Variants in GALNT6 observed in about 807,000 individuals in gnomAD.
GALNT6 encodes the protein GalNAc transferase 6.
A neutral mutation model predicts 65.9 loss-of-function variants in GALNT6; 51 were observed. The observed-to-expected ratio is 0.77, with a 90% confidence interval of 0.62 to 0.98. GALNT6 has a LOEUF of 0.98. Among genes scored for constraint, GALNT6 ranks in the 50% least tolerant of loss-of-function variants. The probability of loss-of-function intolerance (pLI) is 0.00; values close to 1 mark genes in which losing one functional copy is unlikely to be tolerated. For missense variants in GALNT6, 708 were observed against 803.3 expected (o/e 0.88, Z 1.43); for synonymous variants, 323 against 315.1 (o/e 1.02, Z -0.26).
At chr12:51,370,868 A>G (rs1308888008) in intron 4 of GALNT6, among the ~76,000 whole-genome samples, 1 of 151,166 alleles carries the variant, frequency 6.6e-6, no homozygotes, top group Non-Finnish European at 1.5e-5. Context: ...AAAAAAGGGA[A>G]AAAAAAAAGT....
chr12:51,389,399 T>C (rs939648437), intron 2 of GALNT6, among the ~76,000 whole-genome samples: 1 of 152,220 alleles, frequency 6.6e-6, no homozygotes, highest in African/African-American at 2.4e-5. Flanking sequence ...GGAGGTCAAG[T>C]AACTTGACCA....
chr12:51,376,585 A>G (rs1315929184), intron 4 of GALNT6, among the ~76,000 whole-genome samples: 1 of 149,424 alleles, frequency 6.7e-6, no homozygotes, highest in Admixed American at 6.7e-5. Flanking sequence ...GTGAGCTGAG[A>G]TCACACCATT....
intron 2 of GALNT6, among the ~76,000 whole-genome samples, chr12:51,381,269 C>T (rs910955684): frequency 6.6e-6 from 1 of 152,164 alleles, no homozygotes; most frequent in African/African-American, 2.4e-5. Flanking sequence ...TATCTGTAAT[C>T]TACTCCTATT....
intron 3 of GALNT6, 58 bp downstream of exon 3, chr12:51,379,233 C>G (rs991555407): frequency 1.3e-5 from 20 of 1,495,826 alleles, no homozygotes; most frequent in Non-Finnish European, 1.8e-5. Context: ...CCTGGCCATA[C>G]TAGCCATGCC....
chr12:51,375,591 T>A (rs1208920964), intron 4 of GALNT6, among the ~76,000 whole-genome samples: 1 of 150,276 alleles, frequency 6.7e-6, no homozygotes, highest in African/African-American at 2.5e-5. Flanking sequence ...GGAGTCTCAC[T>A]CTGTAGCCCA....
intron 2 of GALNT6, among the ~76,000 whole-genome samples, chr12:51,381,441 C>T (rs3825219): frequency 0.17 from 25,899 of 152,126 alleles, 2,254 homozygotes; most frequent in Non-Finnish European, 0.18. Flanking sequence ...GACACATAAG[C>T]TCACTGGTTA....
At chr12:51,354,771 A>G (rs2137519036) in intron 11 of GALNT6, among the ~76,000 whole-genome samples, 2 of 152,152 alleles carry the variant, frequency 1.3e-5, no homozygotes, top group South Asian at 4.1e-4. Context: ...GGCCTCCCGC[A>G]CCCCCAGATG....
chr12:51,382,362 GC>G (rs1385507856), intron 2 of GALNT6: 2 of 152,372 alleles, frequency 1.3e-5, no homozygotes, highest in African/African-American at 2.4e-5. Context: ...GAAGGAGCCG[GC>G]ATGCAGGAAA....
At chr12:51,358,642 T>C (rs1250969692) in intron 8 of GALNT6, among the ~76,000 whole-genome samples, 1 of 152,144 alleles carries the variant, frequency 6.6e-6, no homozygotes, top group Non-Finnish European at 1.5e-5. Context: ...GCTGAAGTAG[T>C]GCAGATAGCA....
rs1159498663 is a variant in GALNT6, at chr12:51,357,338, G to A, written c.1602+11C>T. 2.6e-6 allele frequency: 4 copies of A among 1,553,220 alleles called. No homozygotes were observed. Among genetic ancestry groups the A allele is most frequent in the East Asian group, 4.5e-5 (2 of 44,592 alleles). ...GAGAGGAGATGCTCCGGAGATGGGTGGGCTGCATACCTGGTTGCCGCCAAG... is the reference window on the plus strand; with the variant it reads ...GAGAGGAGATGCTCCGGAGATGGGTAGGCTGCATACCTGGTTGCCGCCAAG... On this transcript the variant is annotated intron_variant, in intron 10 of 11. Coordinates refer to ENST00000356317, the MANE Select transcript of GALNT6 (RefSeq NM_007210.4).
At chr12:51,379,036 A>G (rs895890104) in intron 3 of GALNT6, among the ~76,000 whole-genome samples, 3 of 151,926 alleles carry the variant, frequency 2.0e-5, no homozygotes, top group Non-Finnish European at 4.4e-5. Flanking sequence ...CTTCCACATC[A>G]TCTCACTTTC....
Position 51,377,240 on chromosome 12 carries a change from T to C in GALNT6, c.619A>G (p.Ile207Val). 1.2e-6 allele frequency: 2 copies of C among 1,613,908 alleles called. No homozygotes were observed. Among genetic ancestry groups the C allele is most frequent in the East Asian group, 2.2e-5 (1 of 44,874 alleles). ...VYSVLHTTPA[I>V]LLKEIILVDD... ...ACCAGTATGATCTCCTTGAGCAAGA[T>C]GGCAGGGGTGGTGTGTAGGACGCTG... The change falls in exon 4 of 12, where the codon ATC becomes GTC. Residue 207 changes from isoleucine (I) to valine (V), a missense_variant. Coordinates refer to ENST00000356317, the MANE Select transcript of GALNT6 (RefSeq NM_007210.4).
chr12:51,354,149 A>C lies in GALNT6; in HGVS notation c.*230T>G, dbSNP rs1946680007. The C allele has an allele frequency of 2.3e-6, 1 of 429,794 alleles. No individual in the cohort carries two copies. Among genetic ancestry groups the C allele is most frequent in the African/African-American group, 2.1e-5 (1 of 48,022 alleles). 26.6% of individuals were successfully genotyped at this position (429,794 alleles called of 1,614,324 possible). Reference sequence around the variant, plus strand: ...CTTTGGGAGCCTCTATTTCTAGAACAGGAAAACGCTAGGCTAAATATATGT... The same window carrying C: ...CTTTGGGAGCCTCTATTTCTAGAACCGGAAAACGCTAGGCTAAATATATGT... On this transcript the variant is annotated 3_prime_UTR_variant, in exon 12 of 12. Coordinates refer to ENST00000356317, the MANE Select transcript of GALNT6 (RefSeq NM_007210.4).
chr12:51,389,742 G>A (rs1314821029), intron 2 of GALNT6, among the ~76,000 whole-genome samples: 8 of 152,170 alleles, frequency 5.3e-5, no homozygotes, highest in Admixed American at 5.2e-4. Context: ...TGGTTGCATG[G>A]ACTAAGTTCA....
chr12:51,373,756 T>C (rs1395217736), intron 4 of GALNT6, among the ~76,000 whole-genome samples: 1 of 152,210 alleles, frequency 6.6e-6, no homozygotes, highest in Non-Finnish European at 1.5e-5. Flanking sequence ...GCTCCTCCCA[T>C]CTCTGCCAAA....
chr12:51,362,905 C>G (rs1018413385), intron 6 of GALNT6, among the ~76,000 whole-genome samples: 1 of 151,516 alleles, frequency 6.6e-6, no homozygotes, highest in East Asian at 1.9e-4. Flanking sequence ...GCTATGCTGC[C>G]CAGGCTGTTG....
At chr12:51,355,622 A>T (rs1486659055) in intron 11 of GALNT6, among the ~76,000 whole-genome samples, 184 bp downstream of exon 11, 3 of 152,098 alleles carry the variant, frequency 2.0e-5, no homozygotes, top group Non-Finnish European at 4.4e-5. Context: ...GGCGCCGACC[A>T]CTATGCCCAG....
rs901046211 is a variant in GALNT6, at chr12:51,353,083, G to A, written c.*1296C>T. On this transcript the variant is annotated 3_prime_UTR_variant, in exon 12 of 12. Transcript: ENST00000356317. Reference sequence around the variant, plus strand: ...TGGTCTAGCGTTCTTGTGGTGCAGCGGAAGGAGCCCTGGCTCAGCATTGAA... The same window carrying A: ...TGGTCTAGCGTTCTTGTGGTGCAGCAGAAGGAGCCCTGGCTCAGCATTGAA... The A allele has an allele frequency of 2.0e-5, 3 of 152,382 alleles. No homozygotes were observed. Among genetic ancestry groups the A allele is most frequent in the East Asian group, 1.9e-4 (1 of 5,178 alleles). The allele number at this position is 152,382 out of a possible 1,614,324, so 9.4% of individuals were successfully genotyped here.
chr12:51,390,630 C>T (rs954357299), intron 2 of GALNT6, among the ~76,000 whole-genome samples: 2 of 152,206 alleles, frequency 1.3e-5, no homozygotes, highest in Non-Finnish European at 2.9e-5. Flanking sequence ...TGGTAGAAGG[C>T]GCAAAAGTCC....
Sources: allele counts gnomAD v4.1 joint callset (sites outside exome capture counted in the v4.1 genomes callset), GRCh38; gene constraint gnomAD v4.1.1; transcripts MANE v1.5; gene names NCBI Gene and HGNC (gene_info 2026-07-23, HGNC 2026-07-21).